Variants in TBC1D22A observed in about 807,000 individuals in gnomAD.
TBC1D22A encodes the protein putative GTPase activator.
TBC1D22A carries 38 observed loss-of-function variants against 60.2 expected under a neutral mutation model. The ratio of observed to expected loss-of-function variants is 0.63; its 90% confidence interval spans 0.49 to 0.83. The LOEUF (loss-of-function observed/expected upper bound fraction) is 0.83, where lower values mean the gene tolerates loss of function less well. Among genes scored for constraint, TBC1D22A ranks in the 40% least tolerant of loss-of-function variants. The pLI is 0.00. For missense variants in TBC1D22A, 628 were observed against 701.0 expected (o/e 0.90, Z 1.18); for synonymous variants, 302 against 281.7 (o/e 1.07, Z -0.72).
At chr22:46,890,673 C>G (rs1347580973) in intron 5 of TBC1D22A, among the ~76,000 whole-genome samples, 1 of 152,200 alleles carries the variant, frequency 6.6e-6, no homozygotes, top group East Asian at 1.9e-4. Context: ...TCAGGCTCTT[C>G]GTGACCTCCT....
At chr22:46,803,269 G>C (rs1215657231) in intron 4 of TBC1D22A, among the ~76,000 whole-genome samples, 2 of 152,166 alleles carry the variant, frequency 1.3e-5, no homozygotes, top group African/African-American at 4.8e-5. Context: ...CTGCCCTCCA[G>C]CCCCACAGTG....
At chr22:47,135,823 G>A (rs912695463) in intron 12 of TBC1D22A, among the ~76,000 whole-genome samples, 5 of 152,236 alleles carry the variant, frequency 3.3e-5, no homozygotes, top group Non-Finnish European at 7.3e-5. Flanking sequence ...CACTGAGCAC[G>A]CGCCACGTGC....
At chr22:47,011,280 G>A (rs1349295543) in intron 10 of TBC1D22A, among the ~76,000 whole-genome samples, 1 of 152,120 alleles carries the variant, frequency 6.6e-6, no homozygotes, top group African/African-American at 2.4e-5. Flanking sequence ...TTCCTTGGGA[G>A]CCGCAGCCTG....
intron 10 of TBC1D22A, among the ~76,000 whole-genome samples, chr22:47,017,932 C>G (rs1374102499): frequency 6.6e-6 from 1 of 152,250 alleles, no homozygotes; most frequent in African/African-American, 2.4e-5. Flanking sequence ...GCGAACGTCC[C>G]TTTAATACGT....
chr22:47,019,641 A>G (rs966084008), intron 10 of TBC1D22A, among the ~76,000 whole-genome samples: 2 of 151,758 alleles, frequency 1.3e-5, no homozygotes, highest in African/African-American at 4.8e-5. Flanking sequence ...GGCATGTGGG[A>G]TAGAGACGTT....
intron 4 of TBC1D22A, among the ~76,000 whole-genome samples, chr22:46,864,091 A>G (rs2066938178): frequency 1.3e-5 from 2 of 152,224 alleles, no homozygotes; most frequent in Admixed American, 1.3e-4. Flanking sequence ...TGATGCCTCC[A>G]CGTGCATATT....
chr22:46,829,272 T>C (rs1223483444), intron 4 of TBC1D22A, among the ~76,000 whole-genome samples: 1 of 152,236 alleles, frequency 6.6e-6, no homozygotes. Flanking sequence ...GTGCATCTTA[T>C]TCATCTTCAG....
chr22:47,036,058 C>T (rs534909969), intron 10 of TBC1D22A, among the ~76,000 whole-genome samples: 1 of 152,120 alleles, frequency 6.6e-6, no homozygotes, highest in Non-Finnish European at 1.5e-5. Flanking sequence ...TTCGGGGTCA[C>T]TTCTCAGGGC....
chr22:46,895,399 A>G (rs1391979459), intron 7 of TBC1D22A, among the ~76,000 whole-genome samples: 1 of 151,994 alleles, frequency 6.6e-6, no homozygotes, highest in Non-Finnish European at 1.5e-5. Flanking sequence ...TAGAGACAAG[A>G]GTCTTGCTCT....
At chr22:46,794,328 C>G (rs2084556850) in intron 3 of TBC1D22A, among the ~76,000 whole-genome samples, 1 of 152,192 alleles carries the variant, frequency 6.6e-6, no homozygotes, top group Non-Finnish European at 1.5e-5. Context: ...CACGTGGGCT[C>G]AGGTCTGTAG....
At chr22:46,873,284 A>G (rs1414752591) in intron 4 of TBC1D22A, among the ~76,000 whole-genome samples, 1 of 152,220 alleles carries the variant, frequency 6.6e-6, no homozygotes, top group Non-Finnish European at 1.5e-5. Flanking sequence ...AACACATGAA[A>G]ATCTCTTCAA....
At chr22:47,091,305 T>TGCTGGGGAGTGGCCTCGTGGAGG (rs2064952086) in intron 11 of TBC1D22A, among the ~76,000 whole-genome samples, 1 of 55,426 alleles carries the variant, frequency 1.8e-5, no homozygotes, top group African/African-American at 9.5e-5. Context: ...AAGTCGTCTT[T>TGCTGGGGAGTGGCCTCGTGGAGG]GGGTGGCTGC....
At chr22:46,836,224 A>G (rs2086512813) in intron 4 of TBC1D22A, among the ~76,000 whole-genome samples, 1 of 152,256 alleles carries the variant, frequency 6.6e-6, no homozygotes, top group Non-Finnish European at 1.5e-5. Context: ...CGCCAGTATA[A>G]AAGTTAAACA....
intron 8 of TBC1D22A, among the ~76,000 whole-genome samples, chr22:46,973,463 T>C (rs1478513677): frequency 1.3e-5 from 2 of 152,272 alleles, no homozygotes; most frequent in Non-Finnish European, 2.9e-5. Flanking sequence ...AGGATTGTGA[T>C]GTTTATCTGC....
At chr22:46,792,320 G>A (rs1263506600) in intron 1 of TBC1D22A, among the ~76,000 whole-genome samples, 200 bp from the exon 2 acceptor site, 1 of 152,078 alleles carries the variant, frequency 6.6e-6, no homozygotes, top group Non-Finnish European at 1.5e-5. Context: ...GTGGGGTGTG[G>A]GCTTGTATGG....
chr22:47,081,347 G>A lies in TBC1D22A; in HGVS notation c.1330-30161G>A, dbSNP rs555874404. Among the ~76,000 whole-genome samples, 14 of 152,282 alleles carry A rather than the reference G, an allele frequency of 9.2e-5. No homozygotes were observed. In the South Asian group the frequency reaches 1.9e-3, roughly 20 times the overall value. On this transcript the variant is annotated intron_variant, in intron 11 of 12. Coordinates refer to ENST00000337137, the MANE Select transcript of TBC1D22A (RefSeq NM_014346.5). Reference sequence around the variant, plus strand: ...AAACTAGGAGTAGAAGGGCACTTCCGTGTTGAAAGACACTCATAGAGTCTC... The same window carrying A: ...AAACTAGGAGTAGAAGGGCACTTCCATGTTGAAAGACACTCATAGAGTCTC...
chr22:46,937,192 C>T (rs1307031936), intron 8 of TBC1D22A, among the ~76,000 whole-genome samples: 1 of 152,126 alleles, frequency 6.6e-6, no homozygotes, highest in Non-Finnish European at 1.5e-5. Context: ...TCCTGTTCTT[C>T]AAAGAACAAG....
At chr22:46,838,310 G>A (rs1200028627) in intron 4 of TBC1D22A, among the ~76,000 whole-genome samples, 1 of 152,060 alleles carries the variant, frequency 6.6e-6, no homozygotes, top group African/African-American at 2.4e-5. Context: ...TCATAAATGA[G>A]GAAATATTGA....
chr22:46,971,212 A>G (rs761583720), intron 8 of TBC1D22A, among the ~76,000 whole-genome samples: 8 of 152,174 alleles, frequency 5.3e-5, no homozygotes, highest in Admixed American at 2.6e-4. Flanking sequence ...CTCAGATAAA[A>G]TAACAAGCCA....
Sources: gnomAD v4.1 joint callset for allele counts (sites outside exome capture counted in the v4.1 genomes callset) on GRCh38, gnomAD v4.1.1 for gene constraint, MANE v1.5 for transcripts, NCBI Gene and HGNC (gene_info 2026-07-23, HGNC 2026-07-21) for gene names.